The following DNAAF11 variants were observed in gnomAD, a reference collection of about 807,000 sequenced individuals.
DNAAF11 encodes dynein axonemal assembly factor 11, also known as leucine rich repeat containing 6.
A neutral mutation model predicts 60.8 loss-of-function variants in DNAAF11; 45 were observed. The ratio of observed to expected loss-of-function variants is 0.74; its 90% CI spans 0.58 to 0.95. The LOEUF (loss-of-function observed/expected upper bound fraction) is 0.95. Among genes scored for constraint, DNAAF11 ranks in the 40% least tolerant of loss-of-function variants. The pLI, the probability that DNAAF11 is intolerant of heterozygous loss-of-function variation, is 0.00. For missense variants in DNAAF11, 546 were observed against 546.2 expected (o/e 1.00, Z 0.00); for synonymous variants, 191 against 183.5 (o/e 1.04, Z -0.33).
chr8:132,649,712 T>C (rs553516893), intron 3 of DNAAF11, among the ~76,000 whole-genome samples: 2 of 152,318 alleles, frequency 1.3e-5, no homozygotes, highest in Admixed American at 6.5e-5. Context: ...GTGAAGGATA[T>C]GAACAGACAC....
intron 10 of DNAAF11, among the ~76,000 whole-genome samples, chr8:132,593,762 C>G (rs956894721): frequency 6.6e-6 from 1 of 151,920 alleles, no homozygotes; most frequent in African/African-American, 2.4e-5. Flanking sequence ...CTTTATGAGG[C>G]CATTGATTTT....
At chr8:132,684,878 C>T in the DNAAF11 span, 1 of 152,130 alleles carries the variant, frequency 6.6e-6, no homozygotes, top group Non-Finnish European at 1.5e-5. Context: ...AGTAGCACCC[C>T]CATTGTGAGA....
At chr8:132,578,032 A>G (rs1270128510) in intron 11 of DNAAF11, among the ~76,000 whole-genome samples, 1 of 152,058 alleles carries the variant, frequency 6.6e-6, no homozygotes, top group Non-Finnish European at 1.5e-5. Context: ...CCTTCATTAT[A>G]GTCATTATAA....
chr8:132,618,646 C>T (rs1475256541), intron 7 of DNAAF11, among the ~76,000 whole-genome samples: 1 of 144,942 alleles, frequency 6.9e-6, no homozygotes, highest in Non-Finnish European at 1.5e-5. Context: ...AGGACATGAA[C>T]AGACACTTCT....
intron 7 of DNAAF11, among the ~76,000 whole-genome samples, chr8:132,619,902 A>C (rs1819585180): frequency 6.6e-6 from 1 of 152,194 alleles, no homozygotes; most frequent in Non-Finnish European, 1.5e-5. Flanking sequence ...CGTCAGCAGC[A>C]GGAGAGAGGG....
the DNAAF11 span, among the ~76,000 whole-genome samples, chr8:132,692,845 C>A: frequency 1.3e-5 from 2 of 152,182 alleles, no homozygotes; most frequent in Admixed American, 6.5e-5. Context: ...TCCATTTGAA[C>A]CAATCGTGTA....
intron 3 of DNAAF11, among the ~76,000 whole-genome samples, chr8:132,644,602 A>G (rs909206608): frequency 7.2e-5 from 11 of 152,138 alleles, no homozygotes; most frequent in African/African-American, 2.4e-4. Flanking sequence ...GCCATGACCA[A>G]TGGTACCTGG....
intron 10 of DNAAF11, among the ~76,000 whole-genome samples, chr8:132,587,734 C>T (rs1198917799): frequency 6.6e-6 from 1 of 152,104 alleles, no homozygotes; most frequent in African/African-American, 2.4e-5. Flanking sequence ...TAATCAACTA[C>T]TTGAAAATTC....
intron 3 of DNAAF11, among the ~76,000 whole-genome samples, chr8:132,654,882 AAC>A (rs761397151): frequency 6.6e-6 from 1 of 151,968 alleles, no homozygotes; most frequent in Non-Finnish European, 1.5e-5. Flanking sequence ...AAAAAGAGAA[AAC>A]ACAAAGAGAA....
chr8:132,597,670 G>C (rs1041981687), intron 10 of DNAAF11, among the ~76,000 whole-genome samples: 2 of 152,174 alleles, frequency 1.3e-5, no homozygotes, highest in East Asian at 1.9e-4. Context: ...TGGAAAAGAG[G>C]CTTCTCTATA....
At position 132,622,598 on chromosome 8, in the gene DNAAF11, T is replaced by C. The variant is rs113135637; in HGVS notation, c.914+13A>G. 1.1e-3 allele frequency: 1,828 copies of C among 1,607,512 alleles called. 25 individuals are homozygous for C. In the African/African-American group the frequency reaches 0.021, roughly 18 times the overall value. On this transcript the variant is annotated intron_variant, in intron 7 of 11. Coordinates refer to ENST00000620350, the MANE Select transcript of DNAAF11 (RefSeq NM_012472.6). The stretch of plus-strand genomic sequence containing the variant: ...ACTTTTGGGTCTTTAACGCTCTATT[T>C]GGCCTCACATACTTGGGCTCATTCA...
At chr8:132,628,021 C>T (rs1450520306) in intron 5 of DNAAF11, among the ~76,000 whole-genome samples, 2 of 152,108 alleles carry the variant, frequency 1.3e-5, no homozygotes, top group Admixed American at 6.5e-5. Context: ...ACTGATAATC[C>T]ACCCCCTAGT....
intron 2 of DNAAF11, among the ~76,000 whole-genome samples, chr8:132,657,304 A>G (rs1048302451): frequency 1.3e-5 from 2 of 152,206 alleles, no homozygotes; most frequent in African/African-American, 2.4e-5. Context: ...AGTCCTCCTA[A>G]TCAGATAAAA....
chr8:132,639,900 CAT>C (rs1309093195), intron 3 of DNAAF11, among the ~76,000 whole-genome samples: 1 of 150,994 alleles, frequency 6.6e-6, no homozygotes. Flanking sequence ...TTATGTCTAA[CAT>C]AGAGAAAAGA....
the DNAAF11 span, among the ~76,000 whole-genome samples, chr8:132,687,244 T>C: frequency 6.6e-6 from 1 of 152,230 alleles, no homozygotes. Flanking sequence ...GTTATTTCCA[T>C]TTAGTGCCTG....
At chr8:132,594,882 A>T (rs953985714) in intron 10 of DNAAF11, among the ~76,000 whole-genome samples, 3 of 152,028 alleles carry the variant, frequency 2.0e-5, no homozygotes, top group African/African-American at 4.8e-5. Context: ...TAACAAAGGA[A>T]ATTGGTACCA....
intron 5 of DNAAF11, among the ~76,000 whole-genome samples, chr8:132,631,334 T>A (rs1820776114): frequency 6.6e-6 from 1 of 152,182 alleles, no homozygotes; most frequent in Non-Finnish European, 1.5e-5. Context: ...CACATTCTGA[T>A]GGGTCAGGGC....
intron 11 of DNAAF11, among the ~76,000 whole-genome samples, chr8:132,574,010 G>C (rs534565062): frequency 6.6e-6 from 1 of 152,316 alleles, no homozygotes; most frequent in East Asian, 1.9e-4. Context: ...TGCCCTGAAA[G>C]ATGTGAAGGA....
rs566832665 is a variant in DNAAF11 at position 132,661,626 on chromosome 8, G to A, written c.12C>T (p.Ile4=). The A allele has an allele frequency of 6.2e-7, 1 of 1,613,346 alleles. No homozygotes were observed. Among genetic ancestry groups the A allele is most frequent in the African/African-American group, 1.3e-5 (1 of 75,018 alleles). MGW[I]TEDLIRRNAE... ...CATTCCGTCTAATAAGATCTTCTGT[G>A]ACTGGAAGAAAATGTGTTACATATT... Residue 4 remains isoleucine, a splice_region_variant and synonymous_variant, in exon 2 of 12, where the codon ATC becomes ATT. Transcript: ENST00000620350.
Sources: gnomAD v4.1 joint callset for allele counts (sites outside exome capture counted in the v4.1 genomes callset) on GRCh38, gnomAD v4.1.1 for gene constraint, MANE v1.5 for transcripts, NCBI Gene and HGNC (gene_info 2026-07-23, HGNC 2026-07-21) for gene names.